The following C17orf78 variants were observed in gnomAD, a reference collection of about 807,000 sequenced individuals.
C17orf78 encodes the protein uncharacterized protein C17orf78.
A neutral mutation model predicts 31.8 loss-of-function variants in C17orf78; 27 were observed. The ratio of observed to expected loss-of-function variants is 0.85; its 90% CI spans 0.63 to 1.17. The LOEUF is 1.17. Among genes scored for constraint, C17orf78 ranks in the 50% most tolerant of loss-of-function variants. C17orf78 has a pLI of 0.00. For missense variants in C17orf78, 258 were observed against 315.2 expected, an observed-to-expected ratio of 0.82 and a Z score of 1.37; for synonymous variants, 106 against 115.1, an observed-to-expected ratio of 0.92 and a Z score of 0.51.
rs117782053 is a variant in C17orf78, at chr17:37,376,130, C to T, written c.38C>T (p.Ser13Phe). 1.4e-3 allele frequency: 2,241 copies of T among 1,612,570 alleles called. 60 individuals are homozygous for T. In the East Asian group the frequency reaches 0.048, roughly 35 times the overall value. Residue 13 changes from serine (S) to phenylalanine (F), a missense_variant, in exon 1 of 7, where the codon TCC becomes TTC. Physicochemically the swap from Ser to Phe is radical, Grantham distance 155. Transcript: ENST00000615133. Reference sequence around the variant, plus strand: ...TTGGTCTTCAGCCTAATCATTGCATCCTATGATGCCAACAAGAAAGGTATG... The same window carrying T: ...TTGGTCTTCAGCCTAATCATTGCATTCTATGATGCCAACAAGAAAGGTATG... ...TILVFSLIIA[S>F]YDANKKDLRD... is the part of the protein sequence containing the mutation.
intron 3 of C17orf78, among the ~76,000 whole-genome samples, chr17:37,385,329 C>T (rs1030854068): frequency 1.3e-5 from 2 of 152,074 alleles, no homozygotes; most frequent in Non-Finnish European, 2.9e-5. Context: ...AAAAATTAGC[C>T]GGGTGCGATG....
At chr17:37,386,180 G>A (rs2050521377) in intron 4 of C17orf78, 55 bp downstream of exon 4, 2 of 1,148,096 alleles carry the variant, frequency 1.7e-6, no homozygotes, top group African/African-American at 1.6e-5. Flanking sequence ...AGTAAAATGG[G>A]AACAGAAAAG....
At chr17:37,380,453 T>A (rs189954423) in intron 3 of C17orf78, among the ~76,000 whole-genome samples, 1 of 151,944 alleles carries the variant, frequency 6.6e-6, no homozygotes, top group East Asian at 1.9e-4. Flanking sequence ...AGAAAATGAA[T>A]TATCCTCCCC....
intron 3 of C17orf78, among the ~76,000 whole-genome samples, chr17:37,381,785 A>G (rs200297007): frequency 0.013 from 1,914 of 150,964 alleles, 25 homozygotes; most frequent in Non-Finnish European, 0.02. Context: ...TCGCCACCAC[A>G]CCCAGTTAAT....
intron 1 of C17orf78, among the ~76,000 whole-genome samples, chr17:37,377,195 G>A (rs570685460): frequency 6.6e-6 from 1 of 152,102 alleles, no homozygotes; most frequent in African/African-American, 2.4e-5. Context: ...CAGAATAGGA[G>A]GGAGAAGAGA....
In C17orf78 at chr17:37,391,913, C is replaced by T. The variant is rs8082190; in HGVS notation, c.*189C>T. On this transcript the variant is annotated 3_prime_UTR_variant, in exon 7 of 7. Coordinates refer to ENST00000615133, the MANE Select transcript of C17orf78 (RefSeq NM_173625.5). ...CCTCATGCCCCTATCTGAGCCACAA[C>T]CTTCTGTAATTCACTTCATACATCC... 2.4e-3 allele frequency: 1,430 copies of T among 598,598 alleles called. 18 individuals carry two copies. The highest frequency in any genetic ancestry group is 0.023 in the African/African-American group (1,265 of 54,252). 37.1% of individuals were successfully genotyped at this position (598,598 alleles called of 1,614,324 possible). A position where few individuals can be genotyped will look rare whatever the true frequency, so the allele number is the denominator to read the frequency against.
Position 37,388,715 on chromosome 17 carries a change from T to C in C17orf78, c.554T>C (p.Val185Ala), listed in dbSNP as rs1404109887. Reference sequence around the variant, plus strand: ...AAGAGACAGAAATGGAGTATTGTGGTCAAAATTCTGATTGCTGTCACCCTG... The same window carrying C: ...AAGAGACAGAAATGGAGTATTGTGGCCAAAATTCTGATTGCTGTCACCCTG... ...LEKRQKWSIV[V>A]KILIAVTLLL... The change falls in exon 5 of 7, where the codon GTC becomes GCC. Residue 185 changes from valine (V) to alanine (A), a missense_variant. By Grantham distance (64) the Val-to-Ala change is moderately conservative (BLOSUM62 0). Coordinates refer to ENST00000615133, the MANE Select transcript of C17orf78 (RefSeq NM_173625.5). The C allele has an allele frequency of 6.2e-7, 1 of 1,612,238 alleles. No individual in the cohort carries two copies. Among genetic ancestry groups the C allele is most frequent in the Non-Finnish European group, 8.5e-7 (1 of 1,178,676 alleles).
rs2050656414 is a variant in C17orf78 at position 37,388,659 on chromosome 17, C to A, written c.509-11C>A. On this transcript the variant is annotated splice_polypyrimidine_tract_variant and intron_variant, in intron 4 of 6. Transcript: ENST00000615133. ...TCTTTTCTCCCTCTTCCACTCCCCT[C>A]TCTCCTTTAGACACAGATGAGAACC... is the stretch of plus-strand genomic sequence containing the variant. 1 of 1,610,930 alleles carries A rather than the reference C, an allele frequency of 6.2e-7. No homozygotes were observed.
chr17:37,390,551 C>T (rs552772251), intron 6 of C17orf78, among the ~76,000 whole-genome samples: 147 of 149,002 alleles, frequency 9.9e-4, no homozygotes, highest in African/African-American at 3.5e-3. Context: ...TGCTTGAACC[C>T]AGGAGACAGA....
intron 1 of C17orf78, among the ~76,000 whole-genome samples, chr17:37,376,527 A>G (rs1012602628): frequency 1.3e-5 from 2 of 152,166 alleles, no homozygotes; most frequent in Non-Finnish European, 2.9e-5. Context: ...AAATAGCTAG[A>G]CGGTGATATT....
intron 6 of C17orf78, among the ~76,000 whole-genome samples, chr17:37,390,289 ATATATTATACATAAT>A (rs2050780848): frequency 7.8e-5 from 4 of 51,308 alleles, no homozygotes; most frequent in Non-Finnish European, 1.2e-4. Context: ...ATATATAATT[ATATATTATACATAAT>A]TATATATATA....
intron 3 of C17orf78, among the ~76,000 whole-genome samples, chr17:37,379,993 C>T (rs1304469084): frequency 6.6e-6 from 1 of 150,646 alleles, no homozygotes; most frequent in Non-Finnish European, 1.5e-5. Flanking sequence ...TACTGCGGCA[C>T]TATTCACAAT....
chr17:37,379,302 G>T lies in C17orf78; in HGVS notation c.311G>T (p.Arg104Leu). 1 of 1,613,890 alleles carries T rather than the reference G, an allele frequency of 6.2e-7. No homozygotes were observed. Residue 104 changes from arginine to leucine, a missense_variant, in exon 3 of 7, where the codon CGC (arginine) becomes CTC (leucine). By Grantham distance (102) the Arg-to-Leu change is moderately radical. Coordinates refer to ENST00000615133, the MANE Select transcript of C17orf78 (RefSeq NM_173625.5). ...AACCTGAGAATCATTGCTGCTCCCC[G>T]CAGAAACAGCTCTGCCTCCTCAAGC... ...LKNLRIIAAP[R>L]RNSSASSSCH...
chr17:37,386,688 C>T (rs2050547800), intron 4 of C17orf78, among the ~76,000 whole-genome samples: 1 of 152,186 alleles, frequency 6.6e-6, no homozygotes, highest in African/African-American at 2.4e-5. Flanking sequence ...AATGAGCTCA[C>T]CCTGTCGCCA....
chr17:37,386,819 C>CTTTTTTTTTTTTTTTTTTT, intron 4 of C17orf78: 1 of 151,476 alleles, frequency 6.6e-6, no homozygotes, highest in African/African-American at 2.4e-5. Flanking sequence ...AAGTGCTTTT[C>CTTTTTTTTTTTTTTTTTTT]TTTTTCTTTT....
At chr17:37,389,535 T>A (rs1195146294) in intron 6 of C17orf78, among the ~76,000 whole-genome samples, 173 bp downstream of exon 6, 1 of 151,696 alleles carries the variant, frequency 6.6e-6, no homozygotes, top group South Asian at 2.1e-4. Flanking sequence ...CTACTAAAAA[T>A]ACAAAAATTA....
chr17:37,377,937 G>A lies in C17orf78; in HGVS notation c.117G>A (p.Val39=). 1 of 1,613,678 alleles carries A rather than the reference G, an allele frequency of 6.2e-7. No individual in the cohort carries two copies. The highest frequency in any genetic ancestry group is 8.5e-7 in the Non-Finnish European group (1 of 1,179,824). ...TGCCTGGGATCTTCCCAAAAGACGT[G>A]AGAAGCATCAGAGAATTGCAAATGC... ...EQLPGIFPKD[V]RSIRELQMQE... Residue 39 remains valine (V), a synonymous_variant, in exon 2 of 7, where the codon GTG becomes GTA. Coordinates refer to ENST00000615133, the MANE Select transcript of C17orf78 (RefSeq NM_173625.5).
In C17orf78 at chr17:37,376,163, C is replaced by T; in HGVS notation, c.58+13C>T. The T allele has an allele frequency of 6.2e-7, 1 of 1,600,726 alleles. No homozygotes were observed. The highest frequency in any genetic ancestry group is 2.2e-5 in the East Asian group (1 of 44,816). ...GCCAACAAGAAAGGTATGTAATTCT[C>T]TAGCCTAATCTCCTGGAAAATACAG... On this transcript the variant is annotated intron_variant, in intron 1 of 6. Coordinates refer to ENST00000615133, the MANE Select transcript of C17orf78 (RefSeq NM_173625.5).
intron 4 of C17orf78, chr17:37,388,006 A>T (rs1192173719): frequency 1.3e-5 from 2 of 152,192 alleles, no homozygotes; most frequent in Non-Finnish European, 2.9e-5. Flanking sequence ...GTATAAAAAA[A>T]TTTTAAAAAT....
Sources: allele counts gnomAD v4.1 joint callset (sites outside exome capture counted in the v4.1 genomes callset), GRCh38; gene constraint gnomAD v4.1.1; transcripts MANE v1.5; gene names NCBI Gene and HGNC (gene_info 2026-07-23, HGNC 2026-07-21).